Variants in LRBA observed in about 807,000 individuals in gnomAD.
LRBA encodes LPS responsive beige-like anchor protein.
In LRBA, 176 loss-of-function variants were observed where a neutral mutation model predicts 330.0. The ratio of observed to expected loss-of-function variants is 0.53; its 90% CI spans 0.47 to 0.60. LRBA has a LOEUF of 0.60. Among genes scored for constraint, LRBA ranks in the 20% least tolerant of loss-of-function variants. LRBA has a pLI of 0.00. For missense variants in LRBA, 3,259 were observed against 3,444.8 expected (o/e 0.95, Z 1.35); for synonymous variants, 1,230 against 1,193.0 (o/e 1.03, Z -0.64).
At chr4:150,319,531 ATATAAG>A (rs1213758565) in intron 50 of LRBA, among the ~76,000 whole-genome samples, 1 of 152,202 alleles carries the variant, frequency 6.6e-6, no homozygotes, top group Non-Finnish European at 1.5e-5. Flanking sequence ...TAGTCCCAAA[ATATAAG>A]TATGTTATTT....
At chr4:150,432,506 G>A (rs1219110557) in intron 46 of LRBA, among the ~76,000 whole-genome samples, 1 of 126,924 alleles carries the variant, frequency 7.9e-6, no homozygotes, top group African/African-American at 3.1e-5. Flanking sequence ...CACCCAGGCT[G>A]GAGTGCAGTG....
intron 31 of LRBA, among the ~76,000 whole-genome samples, chr4:150,816,199 C>A (rs1052901405): frequency 6.6e-6 from 1 of 151,874 alleles, no homozygotes; most frequent in Admixed American, 6.6e-5. Context: ...AAAGAAGTAA[C>A]GGCATTATTT....
intron 28 of LRBA, among the ~76,000 whole-genome samples, chr4:150,833,761 A>G (rs969886021): frequency 6.6e-6 from 1 of 152,008 alleles, no homozygotes; most frequent in Non-Finnish European, 1.5e-5. Context: ...AAATAAGACA[A>G]GAAACTTTGC....
chr4:150,919,167 G>A (rs1732969484), intron 5 of LRBA, among the ~76,000 whole-genome samples: 1 of 152,170 alleles, frequency 6.6e-6, no homozygotes, highest in Non-Finnish European at 1.5e-5. Context: ...ACCAGATGTT[G>A]TATGATTCCA....
intron 37 of LRBA, among the ~76,000 whole-genome samples, chr4:150,621,157 G>A (rs576624418): frequency 2.6e-5 from 4 of 151,928 alleles, no homozygotes; most frequent in Non-Finnish European, 1.5e-5. Flanking sequence ...AGAACTCTCA[G>A]TAAAAGCAAT....
intron 40 of LRBA, among the ~76,000 whole-genome samples, chr4:150,530,773 C>A (rs915891292): frequency 6.6e-6 from 1 of 152,084 alleles, no homozygotes; most frequent in Admixed American, 6.6e-5. Context: ...AGATTCCTTT[C>A]TTGTTCTTTT....
chr4:150,930,145 T>C (rs1403656189), intron 2 of LRBA, among the ~76,000 whole-genome samples: 1 of 151,708 alleles, frequency 6.6e-6, no homozygotes. Flanking sequence ...TGAAACCCCA[T>C]CTCTACTAAA....
chr4:150,421,821 G>A (rs1748841057), intron 46 of LRBA, among the ~76,000 whole-genome samples: 1 of 152,124 alleles, frequency 6.6e-6, no homozygotes, highest in African/African-American at 2.4e-5. Flanking sequence ...GGACCTGGCA[G>A]GAGGCTGAAT....
intron 31 of LRBA, among the ~76,000 whole-genome samples, chr4:150,808,713 C>A (rs983872766): frequency 6.6e-6 from 1 of 152,174 alleles, no homozygotes; most frequent in Non-Finnish European, 1.5e-5. Flanking sequence ...CAGAAAGTTA[C>A]AAGTAAAAGC....
At chr4:150,454,334 G>A (rs973564907) in intron 44 of LRBA, among the ~76,000 whole-genome samples, 1 of 152,074 alleles carries the variant, frequency 6.6e-6, no homozygotes, top group Non-Finnish European at 1.5e-5. Context: ...TGCTGAACAA[G>A]TCAGAAACTG....
chr4:150,314,037 G>A (rs1731409523), intron 51 of LRBA, among the ~76,000 whole-genome samples: 1 of 151,850 alleles, frequency 6.6e-6, no homozygotes. Context: ...GGGATTTGCA[G>A]ATTAGAGGTG....
intron 36 of LRBA, among the ~76,000 whole-genome samples, chr4:150,685,403 TATATATATATATATATA>T (rs1412208722): frequency 4.4e-4 from 7 of 15,740 alleles, no homozygotes; most frequent in African/African-American, 1.6e-3. Context: ...TATATATATA[TATATATATATATATATA>T]TTTTTTTTTT....
intron 2 of LRBA, among the ~76,000 whole-genome samples, chr4:151,002,927 T>C (rs1743544177): frequency 6.6e-6 from 1 of 151,722 alleles, no homozygotes; most frequent in African/African-American, 2.4e-5. Context: ...GATGAGAGGA[T>C]AGTTTGAGCC....
chr4:150,812,641 A>G (rs1337492279), intron 31 of LRBA, among the ~76,000 whole-genome samples: 4 of 152,198 alleles, frequency 2.6e-5, no homozygotes. Flanking sequence ...ACACAAAGCA[A>G]AGATGGTTAT....
intron 40 of LRBA, among the ~76,000 whole-genome samples, chr4:150,508,680 C>T (rs1761466116): frequency 6.6e-6 from 1 of 152,084 alleles, no homozygotes; most frequent in South Asian, 2.1e-4. Context: ...TTTAACTATC[C>T]TAATTGTTTA....
chr4:150,981,206 G>C (rs116666324), intron 2 of LRBA, among the ~76,000 whole-genome samples: 1,700 of 151,752 alleles, frequency 0.011, 32 homozygotes, highest in African/African-American at 0.039. Flanking sequence ...AAGGTCCGAA[G>C]TTCGAGACCA....
chr4:150,777,985 A>G (rs919972862), intron 34 of LRBA, among the ~76,000 whole-genome samples: 3 of 150,922 alleles, frequency 2.0e-5, no homozygotes, highest in Non-Finnish European at 4.4e-5. Flanking sequence ...AAAAAAAAAA[A>G]AAAAAAAAAA....
chr4:150,581,924 G>C (rs952322485), intron 40 of LRBA: 2 of 151,624 alleles, frequency 1.3e-5, no homozygotes, highest in African/African-American at 2.4e-5. Flanking sequence ...GAAACAGCGA[G>C]GGAGAGAGAG....
chr4:150,587,963 C>G (rs994905988), intron 40 of LRBA, 85 bp downstream of exon 40: 2 of 1,408,998 alleles, frequency 1.4e-6, no homozygotes, highest in African/African-American at 2.9e-5. Context: ...TCAAACTAAG[C>G]CTGTCAGATT....
Sources: gnomAD v4.1 joint callset for allele counts (sites outside exome capture counted in the v4.1 genomes callset) on GRCh38, gnomAD v4.1.1 for gene constraint, MANE v1.5 for transcripts, NCBI Gene and HGNC (gene_info 2026-07-23, HGNC 2026-07-21) for gene names.